The following GALM variants were observed in gnomAD, a reference collection of about 807,000 sequenced individuals.
GALM encodes the protein aldose 1-epimerase.
GALM carries 43 observed loss-of-function variants against 37.4 expected under a neutral mutation model. The ratio of observed to expected loss-of-function variants is 1.15; its 90% CI spans 0.90 to 1.48. The LOEUF (loss-of-function observed/expected upper bound fraction) is 1.48. GALM is among the 40% of genes most tolerant of loss of function. The probability of loss-of-function intolerance (pLI) is 0.00; values close to 1 mark genes in which losing one functional copy is unlikely to be tolerated. For synonymous variants in GALM, 199 were observed against 170.6 expected, an observed-to-expected ratio of 1.17 and a Z score of -1.30; for missense variants, 456 against 419.1, an observed-to-expected ratio of 1.09 and a Z score of -0.77.
chr2:38,708,107 A>AAAAAC (rs773944870), intron 4 of GALM, among the ~76,000 whole-genome samples: 4 of 73,910 alleles, frequency 5.4e-5, no homozygotes, highest in Non-Finnish European at 1.0e-4. Context: ...AAACTGTATC[A>AAAAAC]AAATTAAAAT....
At chr2:38,714,732 C>T (rs1237874107) in intron 4 of GALM, among the ~76,000 whole-genome samples, 2 of 152,072 alleles carry the variant, frequency 1.3e-5, no homozygotes, top group Non-Finnish European at 2.9e-5. Flanking sequence ...ATTTGTGAAC[C>T]ACTCCAATAC....
At position 38,733,533 on chromosome 2, in the gene GALM, C is replaced by T; in HGVS notation, c.997C>T (p.His333Tyr). ...VLLRPGEEYD[H>Y]TTWFKFSVA ...GCTGAGGCCTGGTGAGGAGTATGAC[C>T]ACACCACCTGGTTCAAGTTTTCTGT... The change falls in exon 7 of 7, where the codon CAC (histidine) becomes TAC (tyrosine). Residue 333 changes from histidine (H) to tyrosine (Y), a missense_variant. Transcript: ENST00000272252. 1 of 1,614,034 alleles carries T rather than the reference C, an allele frequency of 6.2e-7. No homozygotes were observed. Among genetic ancestry groups the T allele is most frequent in the East Asian group, 2.2e-5 (1 of 44,880 alleles).
rs574516466 is a variant in GALM, at chr2:38,683,549, C to A, written c.552+2063C>A. Reference sequence around the variant, plus strand: ...CACTCAAAAAGCTCAGATTTTGGAGCATTTCAGATTTTAGATTGTCCTCTT... The same window carrying A: ...CACTCAAAAAGCTCAGATTTTGGAGAATTTCAGATTTTAGATTGTCCTCTT... On this transcript the variant is annotated intron_variant, in intron 3 of 6. Coordinates refer to ENST00000272252, the MANE Select transcript of GALM (RefSeq NM_138801.3). 2.1e-5 allele frequency among the ~76,000 whole-genome samples: 3 copies of A among 140,142 alleles called. No homozygotes were observed. The South Asian group carries it at 6.3e-4, about 29-fold the overall frequency. 91.9% of individuals were successfully genotyped at this position (140,142 alleles called of 152,430 possible).
intron 2 of GALM, among the ~76,000 whole-genome samples, chr2:38,679,321 T>C (rs1665337142): frequency 6.6e-6 from 1 of 151,884 alleles, no homozygotes; most frequent in African/African-American, 2.4e-5. Flanking sequence ...TTTTTTTCCT[T>C]CTAAACAATG....
intron 3 of GALM, 95 bp from the exon 4 acceptor site, chr2:38,689,718 G>A (rs1665626423): frequency 1.4e-6 from 1 of 719,054 alleles, no homozygotes; most frequent in South Asian, 1.9e-5. Context: ...AAAAGTTTTT[G>A]TCAATGCCTG....
chr2:38,693,272 C>G (rs1412520261), intron 4 of GALM, among the ~76,000 whole-genome samples: 1 of 152,120 alleles, frequency 6.6e-6, no homozygotes, highest in African/African-American at 2.4e-5. Flanking sequence ...TACTTGAGAT[C>G]AGGAGTTCGA....
Position 38,731,883 on chromosome 2 carries a change from C to A in GALM, c.925C>A (p.Gln309Lys). The change falls in exon 6 of 7, where the codon CAG becomes AAG. Residue 309 changes from glutamine (Q) to lysine (K), a missense_variant. Coordinates refer to ENST00000272252, the MANE Select transcript of GALM (RefSeq NM_138801.3). The stretch of plus-strand genomic sequence containing the variant: ...GCACTCCGGTTTCTGCCTGGAGACT[C>A]AGAACTGGCCTGATGCAGTCAATCA... ...PKHSGFCLET[Q>K]NWPDAVNQPR... 1 of 1,614,174 alleles carries A rather than the reference C, an allele frequency of 6.2e-7. No individual in the cohort carries two copies. The highest frequency in any genetic ancestry group is 1.1e-5 in the South Asian group (1 of 91,082).
At chr2:38,716,451 T>C (rs1666272270) in intron 4 of GALM, among the ~76,000 whole-genome samples, 1 of 152,204 alleles carries the variant, frequency 6.6e-6, no homozygotes, top group Non-Finnish European at 1.5e-5. Flanking sequence ...ACGGTGCAAC[T>C]TGTTTTGTGA....
At chr2:38,697,488 C>T (rs753138210) in intron 4 of GALM, among the ~76,000 whole-genome samples, 11 of 152,122 alleles carry the variant, frequency 7.2e-5, no homozygotes, top group Non-Finnish European at 1.5e-4. Context: ...AAAGTTTTAA[C>T]GTGTGCTATT....
chr2:38,722,052 C>CCCCCCCCCCA (rs1666391057), intron 4 of GALM, among the ~76,000 whole-genome samples: 1 of 121,568 alleles, frequency 8.2e-6, no homozygotes, highest in Non-Finnish European at 1.8e-5. Flanking sequence ...CCCCCCCCCC[C>CCCCCCCCCCA]ACCTAGAACA....
chr2:38,703,051 ATT>A (rs1200584202), intron 4 of GALM, among the ~76,000 whole-genome samples: 4 of 33,492 alleles, frequency 1.2e-4, no homozygotes, highest in East Asian at 1.9e-3. Context: ...GATATGTGGG[ATT>A]TTATATATAT....
At chr2:38,718,057 G>C (rs138393858) in intron 4 of GALM, among the ~76,000 whole-genome samples, 1 of 151,492 alleles carries the variant, frequency 6.6e-6, no homozygotes, top group Non-Finnish European at 1.5e-5. Flanking sequence ...GGCTGGTCTC[G>C]AACTCCTGGG....
At chr2:38,719,564 C>T (rs1470632349) in intron 4 of GALM, among the ~76,000 whole-genome samples, 1 of 151,294 alleles carries the variant, frequency 6.6e-6, no homozygotes, top group Non-Finnish European at 1.5e-5. Context: ...CACTTGAGGT[C>T]AGGAGTTTAA....
chr2:38,680,857 C>T (rs1665376654), intron 2 of GALM, among the ~76,000 whole-genome samples: 1 of 152,130 alleles, frequency 6.6e-6, no homozygotes. Flanking sequence ...ATCCAGGGAC[C>T]AGGTGCGGTG....
intron 1 of GALM, among the ~76,000 whole-genome samples, chr2:38,675,518 G>GTTTT (rs1553379770): frequency 3.8e-5 from 4 of 104,982 alleles, no homozygotes; most frequent in African/African-American, 1.8e-4. Context: ...TGGATTGAGG[G>GTTTT]TTTTTTTGTT....
At chr2:38,679,344 GAA>G (rs1665337894) in intron 2 of GALM, among the ~76,000 whole-genome samples, 1 of 151,222 alleles carries the variant, frequency 6.6e-6, no homozygotes, top group African/African-American at 2.5e-5. Flanking sequence ...CAGGTAGTAT[GAA>G]ACTCCCCACC....
chr2:38,681,338 A>T lies in GALM; in HGVS notation c.404A>T (p.Asp135Val). The change falls in exon 3 of 7, where the codon GAT becomes GTT. Residue 135 changes from aspartate to valine, a missense_variant. Coordinates refer to ENST00000272252, the MANE Select transcript of GALM (RefSeq NM_138801.3). ...NGVQFSRISP[D>V]GEEGYPGELK... is the part of the protein sequence containing the mutation. ...GTCCAGTTCTCGCGCATCAGTCCAG[A>T]TGGTGAAGAAGGCTACCCCGGAGAG... The T allele has an allele frequency of 1.2e-6, 2 of 1,614,020 alleles. No individual in the cohort carries two copies. The highest frequency in any genetic ancestry group is 1.7e-6 in the Non-Finnish European group (2 of 1,180,012).
chr2:38,704,438 G>T lies in GALM; in HGVS notation c.634+14544G>T, dbSNP rs557596181. On this transcript the variant is annotated intron_variant, in intron 4 of 6. Transcript: ENST00000272252. ...TAATCCCAGAACTTTGAGAGGCTAA[G>T]GCGGGAGGATTGATTGGGTCCAGGA... Among the ~76,000 whole-genome samples, 5 of 152,212 alleles carry T rather than the reference G, an allele frequency of 3.3e-5. No individual in the cohort carries two copies. The South Asian group carries it at 1.0e-3, about 32-fold the overall frequency.
rs115296331 is a variant in GALM, at chr2:38,694,061, G to C, written c.634+4167G>C. On this transcript the variant is annotated intron_variant, in intron 4 of 6. Coordinates refer to ENST00000272252, the MANE Select transcript of GALM (RefSeq NM_138801.3). ...GCCAGGAGTGTTGGTGCATGCCTGT[G>C]GTCCCAGCTATTTGGGAGGCTGAGG... is the stretch of plus-strand genomic sequence containing the variant. Among the ~76,000 whole-genome samples the C allele has an allele frequency of 6.7e-3, 1,011 of 151,932 alleles. 16 individuals are homozygous for C. Among genetic ancestry groups the C allele is most frequent in the African/African-American group, 0.023 (963 of 41,458 alleles).
Sources: gnomAD v4.1 joint callset for allele counts (sites outside exome capture counted in the v4.1 genomes callset) on GRCh38, gnomAD v4.1.1 for gene constraint, MANE v1.5 for transcripts, NCBI Gene and HGNC (gene_info 2026-07-23, HGNC 2026-07-21) for gene names.